The following NID1 variants were observed in gnomAD, a reference collection of about 807,000 sequenced individuals.
NID1 encodes the protein nidogen-1.
Under a neutral mutation model 130.6 loss-of-function variants are expected in NID1, and 76 were observed. The observed-to-expected ratio is 0.58, with a 90% CI of 0.48 to 0.70. The LOEUF is 0.70. NID1 is among the 30% of genes least tolerant of loss of function. NID1 has a pLI of 0.00. For synonymous variants in NID1, 665 were observed against 675.1 expected, an observed-to-expected ratio of 0.98 and a Z score of 0.23; for missense variants, 1,517 against 1,664.8, an observed-to-expected ratio of 0.91 and a Z score of 1.54.
chr1:236,023,873 A>G (rs1407173616), intron 9 of NID1, among the ~76,000 whole-genome samples, 197 bp downstream of exon 9: 1 of 152,178 alleles, frequency 6.6e-6, no homozygotes, highest in Non-Finnish European at 1.5e-5. Flanking sequence ...TAATCAGACA[A>G]AAGAATGGGC....
chr1:236,040,866 T>C (rs1274652624), intron 4 of NID1, among the ~76,000 whole-genome samples: 1 of 152,144 alleles, frequency 6.6e-6, no homozygotes, highest in Non-Finnish European at 1.5e-5. Flanking sequence ...GATTTCACCA[T>C]GTTGTCCAGG....
intron 11 of NID1, among the ~76,000 whole-genome samples, chr1:236,013,060 A>G (rs1041465098): frequency 6.6e-6 from 1 of 152,216 alleles, no homozygotes; most frequent in Non-Finnish European, 1.5e-5. Context: ...CATCTTATTA[A>G]ATAAAAGGAT....
At chr1:236,006,280 G>A (rs768187247) in intron 12 of NID1, among the ~76,000 whole-genome samples, 2 of 152,110 alleles carry the variant, frequency 1.3e-5, no homozygotes, top group Non-Finnish European at 2.9e-5. Context: ...ATCACCATTT[G>A]ACCCTCCCTA....
chr1:235,987,705 C>T (rs143666744), intron 14 of NID1, among the ~76,000 whole-genome samples: 4 of 152,166 alleles, frequency 2.6e-5, no homozygotes, highest in East Asian at 1.9e-4. Flanking sequence ...GGTTCTTGGT[C>T]GTGGACACAG....
At chr1:236,016,982 C>T (rs1658612015) in intron 10 of NID1, among the ~76,000 whole-genome samples, 166 bp downstream of exon 10, 2 of 152,216 alleles carry the variant, frequency 1.3e-5, no homozygotes, top group Non-Finnish European at 2.9e-5. Context: ...TTGTGACTCT[C>T]CAGATAGTTG....
chr1:236,057,323 G>C (rs931592009), intron 1 of NID1, among the ~76,000 whole-genome samples: 5 of 152,186 alleles, frequency 3.3e-5, no homozygotes, highest in Admixed American at 6.5e-5. Context: ...TAAAAGGCTA[G>C]AGGAGAAATG....
At position 235,979,804 on chromosome 1, in the gene NID1, T is replaced by C. The variant is rs1188659518; in HGVS notation, c.3509+18A>G. ...GAGGGGCAGGCCCACGCAGCCCCCA[T>C]GGCTACAGCTGACGTACATCTTCCA... is the stretch of plus-strand genomic sequence containing the variant. On this transcript the variant is annotated intron_variant, in intron 18 of 19. Transcript: ENST00000264187. This position sits in a 1 kb window ranked among gnomAD's most constrained non-coding sequence, Gnocchi z 4.6. 3 of 1,612,344 alleles carry C rather than the reference T, an allele frequency of 1.9e-6. No homozygotes were observed. Among genetic ancestry groups the C allele is most frequent in the Non-Finnish European group, 2.5e-6 (3 of 1,178,922 alleles).
At chr1:235,993,499 A>C in intron 13 of NID1, 146 bp downstream of exon 13, 1 of 697,600 alleles carries the variant, frequency 1.4e-6, no homozygotes, top group African/African-American at 1.7e-5. Flanking sequence ...AGAGGGAAGA[A>C]GGGTGCAGCA....
intron 5 of NID1, among the ~76,000 whole-genome samples, 157 bp downstream of exon 5, chr1:236,037,947 G>A (rs189950235): frequency 4.6e-5 from 7 of 152,028 alleles, no homozygotes; most frequent in African/African-American, 1.4e-4. Context: ...TAGAGAATAC[G>A]AGAAAAAATG....
Position 235,993,690 on chromosome 1 carries a change from G to A in NID1, c.2710C>T (p.Arg904Cys). 3 of 1,591,972 alleles carry A rather than the reference G, an allele frequency of 1.9e-6. No individual in the cohort carries two copies. The highest frequency in any genetic ancestry group is 2.6e-6 in the Non-Finnish European group (3 of 1,165,640). The change falls in exon 13 of 20, where the codon CGC becomes TGC. Residue 904 changes from arginine (R) to cysteine (C), a missense_variant. Physicochemically the swap from Arg to Cys is radical, Grantham distance 180. Around this residue, in one of 3 missense-constraint regions of NID1, gnomAD observed 1,329 missense variants for 1,429.2 expected, o/e 0.93. Coordinates refer to ENST00000264187, the MANE Select transcript of NID1 (RefSeq NM_002508.3). The stretch of plus-strand genomic sequence containing the variant: ...CTGGTCCTGGTGCCCTCCACCTCGC[G>A]GCCGTCGCGATCCACGCACCAGCAG... ...GYCWCVDRDGREVEGTRTRPG... is the reference protein window; with the variant it reads ...GYCWCVDRDGCEVEGTRTRPG...
chr1:236,058,002 A>T (rs1340774538), intron 1 of NID1, among the ~76,000 whole-genome samples: 1 of 152,122 alleles, frequency 6.6e-6, no homozygotes, highest in Non-Finnish European at 1.5e-5. Context: ...TGCTGTATTG[A>T]TCATATCGCA....
At chr1:236,010,236 G>C (rs960459385) in intron 12 of NID1, among the ~76,000 whole-genome samples, 1 of 151,558 alleles carries the variant, frequency 6.6e-6, no homozygotes, top group African/African-American at 2.4e-5. Context: ...GCCTTGCCTA[G>C]GTTTATCGAA....
intron 1 of NID1, 142 bp from the exon 2 acceptor site, chr1:236,049,131 C>T (rs1338120404): frequency 4.8e-6 from 4 of 839,230 alleles, no homozygotes; most frequent in South Asian, 3.7e-5. Context: ...CGAGCCTGAA[C>T]CGCATACCCC....
chr1:235,992,000 AC>A (rs747299594), intron 13 of NID1, among the ~76,000 whole-genome samples: 30 of 151,978 alleles, frequency 2.0e-4, no homozygotes, highest in Admixed American at 5.2e-4. Flanking sequence ...CCTGACCTCA[AC>A]CCCTCGCCGG....
intron 1 of NID1, among the ~76,000 whole-genome samples, chr1:236,059,345 C>G (rs1659980807): frequency 6.6e-6 from 1 of 152,160 alleles, no homozygotes; most frequent in Non-Finnish European, 1.5e-5. Context: ...AGAAAATAGG[C>G]AAGTCCGGGA....
chr1:236,049,568 C>T lies in NID1; in HGVS notation c.226-579G>A, dbSNP rs78457893. ...CAATCCAGAAGGATAAGGGAAAGGACTGACACAAAGAGATGATGACACAAT... is the reference window on the plus strand; with the variant it reads ...CAATCCAGAAGGATAAGGGAAAGGATTGACACAAAGAGATGATGACACAAT... On this transcript the variant is annotated intron_variant, in intron 1 of 19. Coordinates refer to ENST00000264187, the MANE Select transcript of NID1 (RefSeq NM_002508.3). Among the ~76,000 whole-genome samples the T allele has an allele frequency of 1.2e-3, 181 of 152,280 alleles. 2 individuals carry two copies. Among genetic ancestry groups the T allele is most frequent in the African/African-American group, 4.2e-3 (174 of 41,560 alleles).
chr1:236,014,588 T>C lies in NID1; in HGVS notation c.2255-1028A>G, dbSNP rs1022915094. Among the ~76,000 whole-genome samples, 3 of 152,154 alleles carry C rather than the reference T, an allele frequency of 2.0e-5. No homozygotes were observed. The South Asian group carries it at 6.2e-4, about 32-fold the overall frequency. On this transcript the variant is annotated intron_variant, in intron 10 of 19. Coordinates refer to ENST00000264187, the MANE Select transcript of NID1 (RefSeq NM_002508.3). ...CACCTCCTCCTCAGCCCTCCTTCCA[T>C]GAGTTCTATCATCAGGACCCTTAAG... is the stretch of plus-strand genomic sequence containing the variant.
chr1:236,064,694 G>A, intron 1 of NID1, 161 bp downstream of exon 1: 1 of 681,956 alleles, frequency 1.5e-6, no homozygotes, highest in Non-Finnish European at 2.5e-6. Context: ...GAAGACCTTC[G>A]CGGACCCTGC....
At chr1:236,022,471 G>C (rs1658794672) in intron 9 of NID1, among the ~76,000 whole-genome samples, 1 of 150,752 alleles carries the variant, frequency 6.6e-6, no homozygotes, top group South Asian at 2.1e-4. Context: ...CTCCCAAGTA[G>C]CTGGGACTAC....
Sources: allele counts gnomAD v4.1 joint callset (sites outside exome capture counted in the v4.1 genomes callset), GRCh38; gene constraint gnomAD v4.1.1; regional missense constraint gnomAD v4.1.1; non-coding constraint Gnocchi (gnomAD v3.1); transcripts MANE v1.5; gene names NCBI Gene and HGNC (gene_info 2026-07-23, HGNC 2026-07-21).